TRAM2: variants seen among roughly 807,000 people sequenced by gnomAD.
TRAM2 encodes translocation associated membrane protein 2.
A neutral mutation model predicts 51.0 loss-of-function variants in TRAM2; 12 were observed. The observed-to-expected ratio is 0.24, with a 90% CI of 0.15 to 0.38. The LOEUF (loss-of-function observed/expected upper bound fraction) is 0.38. Ranked by LOEUF, TRAM2 falls within the 10% of genes least tolerant of loss-of-function variation. The pLI, the probability that TRAM2 is intolerant of heterozygous loss-of-function variation, is 1.00. For synonymous variants in TRAM2, 175 were observed against 179.4 expected (o/e 0.98, Z 0.20); for missense variants, 361 against 462.0 (o/e 0.78, Z 2.00).
At position 52,498,217 on chromosome 6, in the gene TRAM2, A is replaced by C. The variant is rs1390835297; in HGVS notation, c.*4980T>G. Reference sequence around the variant, plus strand: ...CCCAGTTGCAGGTGTTTTAAGGGACAGAAAGGCTGTGGAAAGGACCACTGG... The same window carrying C: ...CCCAGTTGCAGGTGTTTTAAGGGACCGAAAGGCTGTGGAAAGGACCACTGG... On this transcript the variant is annotated 3_prime_UTR_variant, in exon 11 of 11. Coordinates refer to ENST00000182527, the MANE Select transcript of TRAM2 (RefSeq NM_012288.4). 6.6e-6 allele frequency: 1 copy of C among 152,628 alleles called. No homozygotes were observed. The highest frequency in any genetic ancestry group is 1.5e-5 in the Non-Finnish European group (1 of 68,054). 9.5% of individuals were successfully genotyped at this position (152,628 alleles called of 1,614,324 possible).
At chr6:52,517,187 A>G (rs1766567086) in intron 2 of TRAM2, 1 of 158,692 alleles carries the variant, frequency 6.3e-6, no homozygotes, top group African/African-American at 2.4e-5. Context: ...TGGACTCAGA[A>G]GCTGGACTCT....
chr6:52,515,538 G>C (rs1766532292), intron 4 of TRAM2, among the ~76,000 whole-genome samples: 1 of 152,204 alleles, frequency 6.6e-6, no homozygotes, highest in Non-Finnish European at 1.5e-5. Flanking sequence ...GCTGGGCTTG[G>C]AACTCTATCT....
At chr6:52,532,706 T>C (rs572269953) in intron 2 of TRAM2, among the ~76,000 whole-genome samples, 34 of 152,302 alleles carry the variant, frequency 2.2e-4, no homozygotes, top group Admixed American at 1.8e-3. Context: ...ATTGGATAAT[T>C]TGTGGTAATC....
intron 2 of TRAM2, 97 bp downstream of exon 2, chr6:52,535,686 G>GC: frequency 3.2e-6 from 3 of 948,950 alleles, no homozygotes; most frequent in Non-Finnish European, 4.6e-6. Context: ...CGTCATGGGG[G>GC]AAAAAAAAAA....
At chr6:52,503,418 C>T (rs373328912) in intron 10 of TRAM2, 148 bp from the exon 11 acceptor site, 1 of 722,508 alleles carries the variant, frequency 1.4e-6, no homozygotes. Context: ...TGCAGCCTTG[C>T]ACAGCAAATG....
At chr6:52,527,274 AG>A (rs1766799873) in intron 2 of TRAM2, among the ~76,000 whole-genome samples, 1 of 151,648 alleles carries the variant, frequency 6.6e-6, no homozygotes, top group African/African-American at 2.4e-5. Context: ...GCTACTCGGG[AG>A]GCTGAGGCAG....
rs1461592841 is a variant in TRAM2 at position 52,499,469 on chromosome 6, A to C, written c.*3728T>G. ...GGCTGAAGCATACAAAGGAAACCCA[A>C]GCGAAGGCCTTTTCTAGGCACAAGG... On this transcript the variant is annotated 3_prime_UTR_variant, in exon 11 of 11. Transcript: ENST00000182527. 2 of 152,214 alleles carry C rather than the reference A, an allele frequency of 1.3e-5. No individual in the cohort carries two copies. The highest frequency in any genetic ancestry group is 2.9e-5 in the Non-Finnish European group (2 of 68,036). 9.4% of individuals were successfully genotyped at this position (152,214 alleles called of 1,614,324 possible). A position where few individuals can be genotyped will look rare whatever the true frequency, so the allele number is the denominator to read the frequency against.
Position 52,507,295 on chromosome 6 carries a change from G to T in TRAM2, c.626+258C>A, listed in dbSNP as rs530157566. ...GTTGAGGGTCTTCTTCTGGGTTGCAGAGCAGATGATACATACTGTGTTATG... is the reference window on the plus strand; with the variant it reads ...GTTGAGGGTCTTCTTCTGGGTTGCATAGCAGATGATACATACTGTGTTATG... On this transcript the variant is annotated intron_variant, in intron 7 of 10. Transcript: ENST00000182527. Among the ~76,000 whole-genome samples the T allele has an allele frequency of 8.5e-5, 13 of 152,352 alleles. No homozygotes were observed. The East Asian group carries it at 2.3e-3, about 27-fold the overall frequency.
rs115059760 is a variant in TRAM2 at position 52,542,874 on chromosome 6, T to C, written c.121-7028A>G. 4.9e-3 allele frequency among the ~76,000 whole-genome samples: 754 copies of C among 152,330 alleles called. 2 individuals carry two copies. The highest frequency in any genetic ancestry group is 8.9e-3 in the Non-Finnish European group (608 of 68,028). On this transcript the variant is annotated intron_variant, in intron 1 of 10. Transcript: ENST00000182527. ...TAAAGGGTTTAAAAAATCTTTGAAG[T>C]TGGGCTTTTTAAAAAAGAGAATAAA...
intron 1 of TRAM2, among the ~76,000 whole-genome samples, chr6:52,560,126 C>T (rs1767474235): frequency 2.6e-5 from 4 of 151,720 alleles, no homozygotes; most frequent in African/African-American, 7.3e-5. Context: ...GCCTGTAATC[C>T]CAGCTACTTC....
At chr6:52,554,327 C>T (rs1463891679) in intron 1 of TRAM2, among the ~76,000 whole-genome samples, 1 of 152,024 alleles carries the variant, frequency 6.6e-6, no homozygotes, top group African/African-American at 2.4e-5. Context: ...GAGTTCGAGA[C>T]CAGCCTGGCC....
chr6:52,509,503 G>T (rs1322858787), intron 5 of TRAM2, 25 bp downstream of exon 5: 3 of 1,610,982 alleles, frequency 1.9e-6, no homozygotes, highest in African/African-American at 1.3e-5. Context: ...GCTCCTCCCT[G>T]GGGCTGAGTC....
chr6:52,545,836 C>T (rs1767189140), intron 1 of TRAM2, among the ~76,000 whole-genome samples: 1 of 152,102 alleles, frequency 6.6e-6, no homozygotes, highest in African/African-American at 2.4e-5. Context: ...CATTCCAACT[C>T]CAAGGTGGCC....
At chr6:52,567,836 C>T (rs1460932149) in intron 1 of TRAM2, among the ~76,000 whole-genome samples, 2 of 152,334 alleles carry the variant, frequency 1.3e-5, no homozygotes, top group South Asian at 2.1e-4. Context: ...AATCTGGTTT[C>T]AACTCAAATA....
rs769857391 is a variant in TRAM2 at position 52,504,643 on chromosome 6, C to T, written c.987G>A (p.Arg329=). 3.7e-6 allele frequency: 6 copies of T among 1,613,942 alleles called. No homozygotes were observed. Among genetic ancestry groups the T allele is most frequent in the African/African-American group, 1.3e-5 (1 of 74,948 alleles). ...GTAGTCTGGGTGTGGCTGGGACTCT[C>T]CGCTTTGCACTCTGCTCATTCCAGT... ...REYWNEQSAK[R]RVPATPRLPA... The change falls in exon 10 of 11, where the codon CGG becomes CGA. Residue 329 remains arginine, a synonymous_variant. Coordinates refer to ENST00000182527, the MANE Select transcript of TRAM2 (RefSeq NM_012288.4).
rs1342044079 is a variant in TRAM2 at position 52,499,213 on chromosome 6, A to G, written c.*3984T>C. ...ATGACCTAATCCTCCAATAATCCTGAAAATCCTCTCCTGAGAAAAGGAACC... is the reference window on the plus strand; with the variant it reads ...ATGACCTAATCCTCCAATAATCCTGGAAATCCTCTCCTGAGAAAAGGAACC... On this transcript the variant is annotated 3_prime_UTR_variant, in exon 11 of 11. Coordinates refer to ENST00000182527, the MANE Select transcript of TRAM2 (RefSeq NM_012288.4). 1 of 152,144 alleles carries G rather than the reference A, an allele frequency of 6.6e-6. No individual in the cohort carries two copies. The highest frequency in any genetic ancestry group is 1.5e-5 in the Non-Finnish European group (1 of 68,036). The allele number at this position is 152,144 out of a possible 1,614,324, so 9.4% of individuals were successfully genotyped here. A position where few individuals can be genotyped will look rare whatever the true frequency, so the allele number is the denominator to read the frequency against.
At chr6:52,568,959 C>T (rs1767632601) in intron 1 of TRAM2, among the ~76,000 whole-genome samples, 1 of 152,140 alleles carries the variant, frequency 6.6e-6, no homozygotes, top group South Asian at 2.1e-4. Context: ...CAATCATCAG[C>T]TCCACCAACC....
At chr6:52,533,132 G>C (rs1288049176) in intron 2 of TRAM2, among the ~76,000 whole-genome samples, 1 of 152,160 alleles carries the variant, frequency 6.6e-6, no homozygotes, top group South Asian at 2.1e-4. Context: ...GGTGGGCAGA[G>C]TTTCAATCTG....
intron 2 of TRAM2, among the ~76,000 whole-genome samples, chr6:52,529,114 A>G (rs1295620355): frequency 6.6e-6 from 1 of 151,992 alleles, no homozygotes; most frequent in African/African-American, 2.4e-5. Context: ...GATGGTCTCG[A>G]TCTCCTGACC....
Sources: gnomAD v4.1 joint callset for allele counts (sites outside exome capture counted in the v4.1 genomes callset) on GRCh38, gnomAD v4.1.1 for gene constraint, MANE v1.5 for transcripts, NCBI Gene and HGNC (gene_info 2026-07-23, HGNC 2026-07-21) for gene names.